PALM2AKAP2: variants seen among roughly 807,000 people sequenced by gnomAD.
PALM2AKAP2 encodes PALM2-AKAP2 fusion protein.
A neutral mutation model predicts 71.5 loss-of-function variants in PALM2AKAP2; 37 were observed. The observed-to-expected ratio is 0.52, with a 90% CI of 0.40 to 0.68. The LOEUF (loss-of-function observed/expected upper bound fraction) is 0.68, where lower values mean the gene tolerates loss of function less well. PALM2AKAP2 is among the 30% of genes least tolerant of loss of function. PALM2AKAP2 has a pLI of 0.00. For synonymous variants in PALM2AKAP2, 468 were observed against 478.8 expected, an observed-to-expected ratio of 0.98 and a Z score of 0.29; for missense variants, 1,224 against 1,191.8, an observed-to-expected ratio of 1.03 and a Z score of -0.40.
intron 1 of PALM2AKAP2, among the ~76,000 whole-genome samples, chr9:109,810,333 G>A (rs954168768): frequency 6.6e-6 from 1 of 152,198 alleles, no homozygotes; most frequent in African/African-American, 2.4e-5. Flanking sequence ...AGATGGTGAG[G>A]CACTAGGAAA....
chr9:110,037,743 A>G (rs1833439377), intron 7 of PALM2AKAP2, among the ~76,000 whole-genome samples: 1 of 152,246 alleles, frequency 6.6e-6, no homozygotes, highest in Admixed American at 6.5e-5. Flanking sequence ...CCTGTCTTTA[A>G]CAAGGTAGGC....
At chr9:110,117,558 A>G (rs1033165467) in intron 1 of PALM2AKAP2, among the ~76,000 whole-genome samples, 1 of 152,206 alleles carries the variant, frequency 6.6e-6, no homozygotes, top group Admixed American at 6.5e-5. Context: ...CTGCTGAAAG[A>G]GTATACCTGA....
chr9:110,066,805 AT>A (rs1476296008), intron 1 of PALM2AKAP2, among the ~76,000 whole-genome samples: 1 of 151,924 alleles, frequency 6.6e-6, no homozygotes, highest in South Asian at 2.1e-4. Flanking sequence ...CATTTTGGCT[AT>A]TTTTAATATA....
At chr9:109,703,503 T>G (rs950043856) in intron 1 of PALM2AKAP2, among the ~76,000 whole-genome samples, 1 of 152,224 alleles carries the variant, frequency 6.6e-6, no homozygotes, top group Non-Finnish European at 1.5e-5. Flanking sequence ...TATTTTATAA[T>G]GGCAAAATTT....
chr9:109,913,042 T>G (rs1830608105), intron 3 of PALM2AKAP2, among the ~76,000 whole-genome samples: 1 of 152,146 alleles, frequency 6.6e-6, no homozygotes, highest in Admixed American at 6.5e-5. Flanking sequence ...CTAGAGAGAC[T>G]TTTTTCCCAG....
chr9:109,992,434 T>G (rs567265204), intron 6 of PALM2AKAP2, among the ~76,000 whole-genome samples: 151 of 152,306 alleles, frequency 9.9e-4, no homozygotes, highest in African/African-American at 3.6e-3. Context: ...ACTTTGTTTA[T>G]TTATTTTGAG....
At chr9:109,700,422 T>C (rs764241655) in intron 1 of PALM2AKAP2, among the ~76,000 whole-genome samples, 7 of 152,214 alleles carry the variant, frequency 4.6e-5, no homozygotes, top group Non-Finnish European at 1.0e-4. Context: ...TCCCCAGTCA[T>C]GTGGAACTGT....
chr9:109,671,185 G>T (rs779689495), intron 1 of PALM2AKAP2, among the ~76,000 whole-genome samples: 10 of 152,052 alleles, frequency 6.6e-5, no homozygotes, highest in Admixed American at 1.3e-4. Context: ...CTTTGCCTGT[G>T]CCTATGTCCT....
At chr9:109,942,764 G>C (rs1359430378) in intron 6 of PALM2AKAP2, 1 of 1,613,832 alleles carries the variant, frequency 6.2e-7, no homozygotes, top group Non-Finnish European at 8.5e-7. Flanking sequence ...TCTACCATTG[G>C]CCCAGAGGGG....
chr9:109,831,975 A>G (rs1391210782), intron 1 of PALM2AKAP2, among the ~76,000 whole-genome samples: 2 of 152,204 alleles, frequency 1.3e-5, no homozygotes, highest in African/African-American at 2.4e-5. Context: ...CTGGAAGCCA[A>G]ACTATCTAGA....
chr9:109,872,894 A>T (rs1829637034), intron 2 of PALM2AKAP2, among the ~76,000 whole-genome samples: 1 of 152,260 alleles, frequency 6.6e-6, no homozygotes, highest in Admixed American at 6.5e-5. Flanking sequence ...AAGTAACCTT[A>T]GATCTCCTCC....
At chr9:110,137,626 T>G (rs752005706) in exon 2 of PALM2AKAP2, 1 of 1,614,142 alleles carries the variant, frequency 6.2e-7, no homozygotes, top group South Asian at 1.1e-5. Flanking sequence ...GATCTGTCAA[T>G]GTCTCCTTGA....
Position 110,011,332 on chromosome 9 carries a change from T to A in PALM2AKAP2, c.497-4622T>A, listed in dbSNP as rs1201680945. Among the ~76,000 whole-genome samples the A allele has an allele frequency of 2.0e-5, 3 of 151,970 alleles. No individual in the cohort carries two copies. The East Asian group carries it at 5.8e-4, about 29-fold the overall frequency. ...GAGGAAACTGTGTTTTTATAACTAA[T>A]AATAGAAATACATCAGCCTAGAATA... On this transcript the variant is annotated intron_variant, in intron 6 of 9. Coordinates refer to the PALM2AKAP2 transcript ENST00000302798.
chr9:109,775,767 CT>C (rs1829340949), upstream of PALM2AKAP2, among the ~76,000 whole-genome samples: 1 of 152,206 alleles, frequency 6.6e-6, no homozygotes, highest in African/African-American at 2.4e-5. Flanking sequence ...AGTCATTTCC[CT>C]TTTGGTATAC....
At chr9:109,656,476 C>A (rs1827309359) in intron 1 of PALM2AKAP2, among the ~76,000 whole-genome samples, 1 of 152,216 alleles carries the variant, frequency 6.6e-6, no homozygotes, top group Admixed American at 6.5e-5. Context: ...TTTTCAGGGG[C>A]TCCAAGTGAG....
At chr9:109,826,756 T>C (rs1319067508) in intron 1 of PALM2AKAP2, among the ~76,000 whole-genome samples, 1 of 151,870 alleles carries the variant, frequency 6.6e-6, no homozygotes, top group Non-Finnish European at 1.5e-5. Flanking sequence ...GAATGGAGAG[T>C]GGATGTGTCT....
chr9:109,970,826 G>A (rs1371011167), intron 6 of PALM2AKAP2, among the ~76,000 whole-genome samples: 1 of 152,222 alleles, frequency 6.6e-6, no homozygotes, highest in Non-Finnish European at 1.5e-5. Flanking sequence ...AAATTTCCTG[G>A]CCAGGTGCCG....
chr9:110,034,001 C>T (rs1164330404), intron 7 of PALM2AKAP2, among the ~76,000 whole-genome samples: 1 of 152,146 alleles, frequency 6.6e-6, no homozygotes, highest in Admixed American at 6.5e-5. Context: ...ATAAAGTAAC[C>T]TATGGAAGGT....
intron 4 of PALM2AKAP2, 117 bp downstream of exon 4, chr9:109,923,966 C>A: frequency 1.8e-6 from 2 of 1,087,914 alleles, no homozygotes; most frequent in Non-Finnish European, 2.5e-6. Flanking sequence ...GAGCCACGAA[C>A]TCTATGAAAT....
Sources: allele counts gnomAD v4.1 joint callset (sites outside exome capture counted in the v4.1 genomes callset), GRCh38; gene constraint gnomAD v4.1.1; transcripts MANE v1.5; gene names NCBI Gene and HGNC (gene_info 2026-07-23, HGNC 2026-07-21).